ZC3H7A: variants seen among roughly 807,000 people sequenced by gnomAD.
ZC3H7A encodes zinc finger CCCH domain-containing protein 7A.
In ZC3H7A, 44 loss-of-function variants were observed where a neutral mutation model predicts 125.5. The observed-to-expected ratio is 0.35, with a 90% CI of 0.28 to 0.45. ZC3H7A has a LOEUF of 0.45. ZC3H7A is among the 20% of genes least tolerant of loss of function. The pLI, the probability that ZC3H7A is intolerant of heterozygous loss-of-function variation, is 1.00. For synonymous variants in ZC3H7A, 399 were observed against 391.2 expected, an observed-to-expected ratio of 1.02 and a Z score of -0.23; for missense variants, 977 against 1,170.7, an observed-to-expected ratio of 0.83 and a Z score of 2.41.
Position 11,779,239 on chromosome 16 carries a change from G to C in ZC3H7A, c.233C>G (p.Ser78Cys). Residue 78 changes from serine to cysteine, a missense_variant, in exon 4 of 23, where the codon TCT becomes TGT. This residue lies in a region of ZC3H7A where 199 missense variants were observed against 256.1 expected (regional missense o/e 0.78). Transcript: ENST00000355758. The part of the protein sequence containing the change: ...EALNIADYAK[S>C]EEILIPKEII... ...TTCTTTGGGGATTAAAATTTCTTCA[G>C]ATTTTGCATAATCAGCTATATTCAA... The C allele has an allele frequency of 1.9e-6, 3 of 1,613,098 alleles. No individual in the cohort carries two copies. The highest frequency in any genetic ancestry group is 2.2e-5 in the South Asian group (2 of 90,894).
intron 7 of ZC3H7A, 61 bp downstream of exon 7, chr16:11,776,259 G>C (rs2053078271): frequency 2.7e-6 from 4 of 1,499,070 alleles, no homozygotes; most frequent in East Asian, 4.5e-5. Context: ...ACTAAAAGTA[G>C]AATTGCTCCC....
chr16:11,795,383 T>C (rs1310161380), intron 1 of ZC3H7A, among the ~76,000 whole-genome samples: 2 of 152,234 alleles, frequency 1.3e-5, no homozygotes, highest in Non-Finnish European at 1.5e-5. Context: ...GTCGAAATAT[T>C]GTACAAAATA....
intron 1 of ZC3H7A, among the ~76,000 whole-genome samples, chr16:11,783,286 G>A (rs2053202802): frequency 6.6e-6 from 1 of 152,108 alleles, no homozygotes. Flanking sequence ...ATATTAAAAT[G>A]TTATCCTCAA....
rs924797063 is a variant in ZC3H7A, at chr16:11,779,029, T to C, written c.306+137A>G. Reference sequence around the variant, plus strand: ...GCCCGGCCAATCCAAAGCTAATTTTTAAAAGCCTCAAGCCACTCCAAAAGC... The same window carrying C: ...GCCCGGCCAATCCAAAGCTAATTTTCAAAAGCCTCAAGCCACTCCAAAAGC... On this transcript the variant is annotated intron_variant, in intron 4 of 22. Transcript: ENST00000355758. 2.1e-5 allele frequency: 16 copies of C among 776,800 alleles called. No homozygotes were observed. The South Asian group carries it at 3.2e-4, about 16-fold the overall frequency. 48.1% of individuals were successfully genotyped at this position (776,800 alleles called of 1,614,324 possible). A position where few individuals can be genotyped will look rare whatever the true frequency, so the allele number is the denominator to read the frequency against.
rs1297090938 is a variant in ZC3H7A at position 11,771,432 on chromosome 16, T to C, written c.904-445A>G. Among the ~76,000 whole-genome samples the C allele has an allele frequency of 3.3e-5, 5 of 151,900 alleles. No individual in the cohort carries two copies. The East Asian group carries it at 7.7e-4, about 23-fold the overall frequency. On this transcript the variant is annotated intron_variant, in intron 9 of 22. Coordinates refer to ENST00000355758, the MANE Select transcript of ZC3H7A (RefSeq NM_014153.4). ...ACAAAGTTTAAATCAGAATCAAGATTCGTTTAAAACAATTTTAGCTACAGA... is the reference window on the plus strand; with the variant it reads ...ACAAAGTTTAAATCAGAATCAAGATCCGTTTAAAACAATTTTAGCTACAGA...
intron 21 of ZC3H7A, among the ~76,000 whole-genome samples, chr16:11,755,930 C>T (rs1273196148): frequency 2.6e-5 from 4 of 152,002 alleles, no homozygotes; most frequent in African/African-American, 7.2e-5. Context: ...TTTGGGAGGC[C>T]GAGGCAGGCA....
Position 11,774,367 on chromosome 16 carries a change from C to T in ZC3H7A, c.772G>A (p.Ala258Thr), listed in dbSNP as rs753319910. 1 of 1,613,934 alleles carries T rather than the reference C, an allele frequency of 6.2e-7. No individual in the cohort carries two copies. The highest frequency in any genetic ancestry group is 1.3e-5 in the African/African-American group (1 of 74,926). Residue 258 changes from alanine (A) to threonine (T), a missense_variant, in exon 9 of 23, where the codon GCA becomes ACA. Physicochemically the swap from Ala to Thr is moderately conservative, Grantham distance 58. Coordinates refer to ENST00000355758, the MANE Select transcript of ZC3H7A (RefSeq NM_014153.4). ...LQVEESALPSAVLANGGKMPF... is the reference protein window; with the variant it reads ...LQVEESALPSTVLANGGKMPF... ...ATCTTTCCTCCATTTGCCAGCACTG[C>T]AGATGGCAGAGCGCTCTCTTCCACT...
At chr16:11,788,930 G>C (rs888645127) in intron 1 of ZC3H7A, among the ~76,000 whole-genome samples, 5 of 152,022 alleles carry the variant, frequency 3.3e-5, no homozygotes, top group Non-Finnish European at 5.9e-5. Flanking sequence ...ATATTCTATA[G>C]AACGATTCTG....
At chr16:11,794,352 C>T (rs1374961743) in intron 1 of ZC3H7A, among the ~76,000 whole-genome samples, 1 of 152,170 alleles carries the variant, frequency 6.6e-6, no homozygotes, top group African/African-American at 2.4e-5. Context: ...ACGAAAATCA[C>T]CTCATTTAAT....
Position 11,765,724 on chromosome 16 carries a change from C to T in ZC3H7A, c.1523-39G>A. 6.3e-7 allele frequency: 1 copy of T among 1,585,776 alleles called. No individual in the cohort carries two copies. The highest frequency in any genetic ancestry group is 1.1e-5 in the South Asian group (1 of 87,234). ...GAATGGACAGACATTGAAAACATGG[C>T]AATTGGCCTGTACTCCCAGCTACTT... On this transcript the variant is annotated intron_variant, in intron 13 of 22. Coordinates refer to ENST00000355758, the MANE Select transcript of ZC3H7A (RefSeq NM_014153.4). The surrounding 1 kb of genome is among the most constrained non-coding windows in gnomAD (Gnocchi z 4.8).
At chr16:11,766,692 A>G (rs961761508) in intron 13 of ZC3H7A, among the ~76,000 whole-genome samples, 2 of 152,166 alleles carry the variant, frequency 1.3e-5, no homozygotes, top group Non-Finnish European at 2.9e-5. Flanking sequence ...AAACCAGCCT[A>G]GGCAACATAG....
intron 20 of ZC3H7A, among the ~76,000 whole-genome samples, chr16:11,756,717 A>G (rs2052655533): frequency 6.6e-6 from 1 of 152,176 alleles, no homozygotes; most frequent in Non-Finnish European, 1.5e-5. Context: ...TACGTTCCAC[A>G]CTCAGTGTCA....
chr16:11,778,156 G>C (rs985257488), intron 4 of ZC3H7A, among the ~76,000 whole-genome samples: 1 of 151,496 alleles, frequency 6.6e-6, no homozygotes, highest in South Asian at 2.1e-4. Context: ...AAAAACACTC[G>C]CCAGGCACGG....
At chr16:11,774,909 C>T (rs1404178432) in intron 8 of ZC3H7A, 71 bp downstream of exon 8, 13 of 1,482,006 alleles carry the variant, frequency 8.8e-6, no homozygotes, top group Admixed American at 5.1e-5. Flanking sequence ...TTTGACAATA[C>T]ATCACATACA....
intron 1 of ZC3H7A, among the ~76,000 whole-genome samples, chr16:11,794,182 GC>G (rs1312062719): frequency 6.6e-6 from 1 of 152,142 alleles, no homozygotes; most frequent in Non-Finnish European, 1.5e-5. Context: ...ACCCAAGACC[GC>G]CAGCCGATGA....
intron 20 of ZC3H7A, 57 bp from the exon 21 acceptor site, chr16:11,756,427 C>A: frequency 6.3e-7 from 1 of 1,582,214 alleles, no homozygotes; most frequent in Non-Finnish European, 8.6e-7. Context: ...TAAATACATG[C>A]AACTATGTGC....
intron 15 of ZC3H7A, among the ~76,000 whole-genome samples, chr16:11,764,512 G>A (rs537079237): frequency 6.6e-6 from 1 of 152,218 alleles, no homozygotes; most frequent in Admixed American, 6.5e-5. Flanking sequence ...TCGCGCCACT[G>A]CACTCCAGCC....
chr16:11,774,918 C>T (rs1160497553), intron 8 of ZC3H7A, 62 bp downstream of exon 8: 7 of 1,546,162 alleles, frequency 4.5e-6, no homozygotes, highest in African/African-American at 1.4e-5. Flanking sequence ...ACATCACATA[C>T]AAAGACATCA....
chr16:11,784,854 CAAA>C (rs536349199), intron 1 of ZC3H7A, among the ~76,000 whole-genome samples: 2 of 59,968 alleles, frequency 3.3e-5, no homozygotes, highest in Non-Finnish European at 6.7e-5. Flanking sequence ...CACTCCATCT[CAAA>C]AAAAAAAAAA....
Sources: allele counts gnomAD v4.1 joint callset (sites outside exome capture counted in the v4.1 genomes callset), GRCh38; gene constraint gnomAD v4.1.1; regional missense constraint gnomAD v4.1.1; non-coding constraint Gnocchi (gnomAD v3.1); transcripts MANE v1.5; gene names NCBI Gene and HGNC (gene_info 2026-07-23, HGNC 2026-07-21).